Variants in PTPRD observed in about 807,000 individuals in gnomAD.
PTPRD encodes protein tyrosine phosphatase receptor type D.
PTPRD carries 34 observed loss-of-function variants against 214.5 expected under a neutral mutation model. That is an observed-to-expected ratio of 0.16 (90% confidence interval 0.12 to 0.21). The LOEUF is 0.21. Ranked by LOEUF, PTPRD falls within the 10% of genes least tolerant of loss-of-function variation. The pLI, the probability that PTPRD is intolerant of heterozygous loss-of-function variation, is 1.00. For synonymous variants in PTPRD, 1,128 were observed against 845.7 expected, an observed-to-expected ratio of 1.33 and a Z score of -5.79; for missense variants, 2,545 against 2,398.7, an observed-to-expected ratio of 1.06 and a Z score of -1.27.
chr9:10,457,026 T>A (rs1300809666), intron 2 of PTPRD, among the ~76,000 whole-genome samples: 1 of 151,984 alleles, frequency 6.6e-6, no homozygotes, highest in Non-Finnish European at 1.5e-5. Context: ...TTCTTGAGAC[T>A]CTGTTAAATG....
chr9:8,707,045 T>G (rs963875713), intron 12 of PTPRD, among the ~76,000 whole-genome samples: 9 of 152,220 alleles, frequency 5.9e-5, no homozygotes, highest in African/African-American at 2.2e-4. Context: ...AATCAATTAA[T>G]GATTTAATTA....
intron 10 of PTPRD, among the ~76,000 whole-genome samples, chr9:9,134,007 C>G (rs930070175): frequency 2.6e-5 from 4 of 151,772 alleles, no homozygotes; most frequent in African/African-American, 9.7e-5. Flanking sequence ...AAATCTGCTA[C>G]TCCTGCAGTC....
chr9:8,680,593 G>A (rs189918984), intron 12 of PTPRD, among the ~76,000 whole-genome samples: 14 of 151,988 alleles, frequency 9.2e-5, no homozygotes, highest in East Asian at 3.9e-4. Flanking sequence ...CATAATGTAC[G>A]TACATCTATA....
chr9:10,074,951 A>G (rs1442109959), intron 3 of PTPRD, among the ~76,000 whole-genome samples: 7 of 152,096 alleles, frequency 4.6e-5, no homozygotes, highest in Admixed American at 4.6e-4. Flanking sequence ...ACTTAGTCAA[A>G]CGATTTAGGT....
intron 10 of PTPRD, among the ~76,000 whole-genome samples, chr9:9,029,891 C>G (rs530338413): frequency 1.6e-4 from 25 of 151,908 alleles, no homozygotes; most frequent in African/African-American, 6.0e-4. Context: ...TGATGACCAC[C>G]TTGGTAGAAT....
chr9:8,815,163 G>C (rs190966062), intron 11 of PTPRD, among the ~76,000 whole-genome samples: 47 of 151,740 alleles, frequency 3.1e-4, no homozygotes, highest in Non-Finnish European at 2.9e-4. Context: ...CAGTGAGAGA[G>C]AAATGTGGAA....
intron 7 of PTPRD, among the ~76,000 whole-genome samples, chr9:9,657,176 G>C (rs1010822572): frequency 5.3e-5 from 8 of 151,624 alleles, no homozygotes; most frequent in Non-Finnish European, 8.8e-5. Flanking sequence ...CATGTCAAAA[G>C]AAACATAATA....
intron 9 of PTPRD, among the ~76,000 whole-genome samples, chr9:9,315,534 A>G (rs1355311604): frequency 6.6e-6 from 1 of 151,956 alleles, no homozygotes; most frequent in African/African-American, 2.4e-5. Context: ...TAGTTTTGAA[A>G]TAGGGCTGAG....
chr9:9,929,607 T>C (rs1005547628), intron 5 of PTPRD, among the ~76,000 whole-genome samples: 1 of 152,132 alleles, frequency 6.6e-6, no homozygotes, highest in African/African-American at 2.4e-5. Context: ...TTGGCCAGGA[T>C]AGTCTCAATC....
At chr9:8,675,384 A>C (rs1480225303) in intron 12 of PTPRD, among the ~76,000 whole-genome samples, 1 of 151,972 alleles carries the variant, frequency 6.6e-6, no homozygotes, top group African/African-American at 2.4e-5. Context: ...CAGATTCATT[A>C]ATCAATAGAT....
chr9:10,454,190 T>C (rs79897521), intron 2 of PTPRD, among the ~76,000 whole-genome samples: 2,623 of 151,652 alleles, frequency 0.017, 26 homozygotes, highest in Non-Finnish European at 0.027. Flanking sequence ...CAGATTTCCA[T>C]TTTATCATTT....
intron 2 of PTPRD, among the ~76,000 whole-genome samples, chr9:10,388,602 A>T (rs2097977681): frequency 6.6e-6 from 1 of 151,858 alleles, no homozygotes; most frequent in Non-Finnish European, 1.5e-5. Context: ...TATTGAATTT[A>T]TCTTTGACAA....
intron 12 of PTPRD, among the ~76,000 whole-genome samples, chr9:8,692,454 A>T (rs1304512243): frequency 1.3e-5 from 2 of 152,124 alleles, no homozygotes; most frequent in Non-Finnish European, 2.9e-5. Context: ...ACTCACTTCC[A>T]CATCATTTCC....
At chr9:10,431,375 G>T (rs1302815742) in intron 2 of PTPRD, among the ~76,000 whole-genome samples, 2 of 151,912 alleles carry the variant, frequency 1.3e-5, no homozygotes, top group African/African-American at 2.4e-5. Flanking sequence ...ATAGGCATGG[G>T]CAAGGACTTC....
At chr9:9,920,023 G>A (rs1033523967) in intron 5 of PTPRD, among the ~76,000 whole-genome samples, 1 of 151,798 alleles carries the variant, frequency 6.6e-6, no homozygotes, top group Non-Finnish European at 1.5e-5. Flanking sequence ...CTTTTCTTGA[G>A]GTTACAATAA....
intron 8 of PTPRD, among the ~76,000 whole-genome samples, chr9:9,417,516 T>C (rs930094615): frequency 1.3e-5 from 2 of 152,048 alleles, no homozygotes; most frequent in African/African-American, 4.8e-5. Flanking sequence ...ATGCCTCCAA[T>C]TCTAAAAAAC....
At chr9:8,461,166 G>C (rs1053896843) in intron 32 of PTPRD, among the ~76,000 whole-genome samples, 4 of 152,014 alleles carry the variant, frequency 2.6e-5, no homozygotes, top group African/African-American at 9.7e-5. Flanking sequence ...AACAAATAAA[G>C]TCTACAATTT....
intron 11 of PTPRD, among the ~76,000 whole-genome samples, chr9:8,905,850 T>C (rs1362223958): frequency 6.6e-6 from 1 of 151,944 alleles, no homozygotes; most frequent in African/African-American, 2.4e-5. Context: ...ATCCAACGAG[T>C]TTATTCACAA....
At chr9:10,573,713 T>C (rs867126784) in intron 2 of PTPRD, among the ~76,000 whole-genome samples, 1 of 152,090 alleles carries the variant, frequency 6.6e-6, no homozygotes, top group Middle Eastern at 3.2e-3. Flanking sequence ...GGAAATAGTA[T>C]TTGTATCTCA....
Sources: allele counts gnomAD v4.1 joint callset (sites outside exome capture counted in the v4.1 genomes callset), GRCh38; gene constraint gnomAD v4.1.1; transcripts MANE v1.5; gene names NCBI Gene and HGNC (gene_info 2026-07-23, HGNC 2026-07-21).